CNTN4: variants seen among roughly 807,000 people sequenced by gnomAD.
CNTN4 encodes the protein contactin-4.
In CNTN4, 77 loss-of-function variants were observed where a neutral mutation model predicts 122.5. The observed-to-expected ratio is 0.63, with a 90% CI of 0.52 to 0.76. CNTN4 has a LOEUF of 0.76. Ranked by LOEUF, CNTN4 falls within the 30% of genes least tolerant of loss-of-function variation. The probability of loss-of-function intolerance (pLI) is 0.00; values close to 1 mark genes in which losing one functional copy is unlikely to be tolerated. For missense variants in CNTN4, 1,256 were observed against 1,259.1 expected (o/e 1.00, Z 0.04); for synonymous variants, 512 against 447.0 (o/e 1.15, Z -1.83).
At chr3:2,209,026 A>T (rs192001166) in intron 2 of CNTN4, among the ~76,000 whole-genome samples, 117 of 152,284 alleles carry the variant, frequency 7.7e-4, no homozygotes, top group African/African-American at 2.7e-3. Flanking sequence ...TTGATCTGGA[A>T]TCAAATTCAC....
At position 2,643,096 on chromosome 3, in the gene CNTN4, A is replaced by G. The variant is rs527439687; in HGVS notation, c.55+71538A>G. ...ATGCACGCTAAACTCTATCATCTCT[A>G]TGGAGCCCCTTTTATCTCTATGTAT... On this transcript the variant is annotated intron_variant, in intron 4 of 24. Coordinates refer to ENST00000418658, the MANE Select transcript of CNTN4 (RefSeq NM_175607.3). Among the ~76,000 whole-genome samples the G allele has an allele frequency of 3.2e-4, 48 of 152,310 alleles. No homozygotes were observed. The South Asian group carries it at 8.5e-3, about 27-fold the overall frequency.
chr3:2,229,167 C>G (rs2039394070), intron 2 of CNTN4, among the ~76,000 whole-genome samples: 1 of 152,014 alleles, frequency 6.6e-6, no homozygotes, highest in South Asian at 2.1e-4. Context: ...GTATATTGAA[C>G]CAGGTCTGTG....
At chr3:2,695,885 A>T (rs1337613634) in intron 4 of CNTN4, among the ~76,000 whole-genome samples, 2 of 152,176 alleles carry the variant, frequency 1.3e-5, no homozygotes, top group Non-Finnish European at 2.9e-5. Flanking sequence ...GAGACAATAG[A>T]AGTTAAGGCA....
chr3:2,624,627 CTTTTTTTTTT>C (rs1175851279), intron 4 of CNTN4, among the ~76,000 whole-genome samples: 2 of 89,940 alleles, frequency 2.2e-5, no homozygotes, highest in African/African-American at 8.6e-5. Flanking sequence ...ATTTCTGATT[CTTTTTTTTTT>C]TTTTTTTTTT....
At chr3:2,905,895 T>C (rs1160974496) in intron 12 of CNTN4, among the ~76,000 whole-genome samples, 2 of 152,212 alleles carry the variant, frequency 1.3e-5, no homozygotes, top group African/African-American at 2.4e-5. Context: ...TCTGGGATAG[T>C]TTCCTGCACA....
At chr3:2,794,733 A>G (rs1333829160) in intron 6 of CNTN4, among the ~76,000 whole-genome samples, 4 of 152,202 alleles carry the variant, frequency 2.6e-5, no homozygotes, top group African/African-American at 9.7e-5. Flanking sequence ...GGGCTTACAA[A>G]GAAAGGAAAT....
chr3:2,635,349 G>A (rs907075042), intron 4 of CNTN4, among the ~76,000 whole-genome samples: 1 of 152,084 alleles, frequency 6.6e-6, no homozygotes, highest in Non-Finnish European at 1.5e-5. Flanking sequence ...CATTTTTCTG[G>A]TTCTCCCACA....
intron 13 of CNTN4, among the ~76,000 whole-genome samples, chr3:2,977,130 C>T (rs1242209091): frequency 6.6e-6 from 1 of 152,186 alleles, no homozygotes; most frequent in Admixed American, 6.5e-5. Context: ...GTGACTATTT[C>T]TTGGGCATTG....
intron 12 of CNTN4, among the ~76,000 whole-genome samples, chr3:2,924,767 G>A (rs1351805824): frequency 6.6e-6 from 1 of 152,114 alleles, no homozygotes; most frequent in Non-Finnish European, 1.5e-5. Context: ...GCCAAGCATT[G>A]CATTGGGCAC....
intron 3 of CNTN4, among the ~76,000 whole-genome samples, chr3:2,453,382 A>G (rs1201795444): frequency 6.6e-6 from 1 of 152,168 alleles, no homozygotes; most frequent in East Asian, 1.9e-4. Context: ...AAGACAATCA[A>G]GAAGGAAAAA....
chr3:2,548,008 T>C (rs1375020228), intron 3 of CNTN4, among the ~76,000 whole-genome samples: 4 of 152,182 alleles, frequency 2.6e-5, no homozygotes, highest in Non-Finnish European at 4.4e-5. Context: ...GTTTGTTTTA[T>C]TCTTGTAAAT....
intron 2 of CNTN4, among the ~76,000 whole-genome samples, chr3:2,206,110 G>C (rs1267886188): frequency 6.6e-6 from 1 of 151,832 alleles, no homozygotes; most frequent in East Asian, 1.9e-4. Context: ...TCCTTCCATG[G>C]ACCTTCTCCT....
intron 3 of CNTN4, among the ~76,000 whole-genome samples, chr3:2,427,455 G>C (rs1016563841): frequency 2.0e-5 from 3 of 152,172 alleles, no homozygotes; most frequent in Non-Finnish European, 2.9e-5. Context: ...TATACTTCCT[G>C]TTCTTTTACA....
At chr3:2,104,289 T>C (rs2032250108) in intron 2 of CNTN4, among the ~76,000 whole-genome samples, 1 of 151,146 alleles carries the variant, frequency 6.6e-6, no homozygotes, top group Non-Finnish European at 1.5e-5. Flanking sequence ...TTTAATGGGG[T>C]TGGAGGGCTG....
intron 13 of CNTN4, among the ~76,000 whole-genome samples, chr3:2,972,750 G>T (rs967152360): frequency 6.6e-6 from 1 of 152,082 alleles, no homozygotes. Context: ...AATATCTTCA[G>T]ATATTATCCT....
At chr3:2,461,375 A>G (rs1490574126) in intron 3 of CNTN4, among the ~76,000 whole-genome samples, 4 of 152,180 alleles carry the variant, frequency 2.6e-5, no homozygotes, top group Non-Finnish European at 5.9e-5. Flanking sequence ...TAATGAGATA[A>G]TCTACATTAT....
In CNTN4 at chr3:2,636,464, G is replaced by A. The variant is rs562621455; in HGVS notation, c.55+64906G>A. 1.1e-4 allele frequency among the ~76,000 whole-genome samples: 17 copies of A among 152,198 alleles called. No homozygotes were observed. The South Asian group carries it at 3.3e-3, about 30-fold the overall frequency. The stretch of plus-strand genomic sequence containing the variant: ...TGCTCACCTGGGGAAAAAAACCCAG[G>A]AATTATTTATCTCTACTCTTTAAAT... On this transcript the variant is annotated intron_variant, in intron 4 of 24. Transcript: ENST00000418658.
At chr3:3,044,559 A>G (rs1700449187) in intron 23 of CNTN4, among the ~76,000 whole-genome samples, 1 of 152,202 alleles carries the variant, frequency 6.6e-6, no homozygotes, top group Admixed American at 6.5e-5. Flanking sequence ...GATTTCTTAC[A>G]TAGTTGTCAG....
intron 4 of CNTN4, among the ~76,000 whole-genome samples, chr3:2,674,694 G>A (rs1473531485): frequency 2.0e-5 from 3 of 151,930 alleles, no homozygotes; most frequent in African/African-American, 7.3e-5. Context: ...GGAGGCGGAG[G>A]TTGCTTTGAG....
Sources: allele counts gnomAD v4.1 joint callset (sites outside exome capture counted in the v4.1 genomes callset), GRCh38; gene constraint gnomAD v4.1.1; transcripts MANE v1.5; gene names NCBI Gene and HGNC (gene_info 2026-07-23, HGNC 2026-07-21).